Variants in DYTN observed in about 807,000 individuals in gnomAD.
The protein encoded by DYTN is dystrotelin.
A neutral mutation model predicts 69.6 loss-of-function variants in DYTN; 75 were observed. The ratio of observed to expected loss-of-function variants is 1.08; its 90% CI spans 0.89 to 1.31. The LOEUF is 1.31. DYTN is among the 50% of genes most tolerant of loss of function. The pLI, the probability that DYTN is intolerant of heterozygous loss-of-function variation, is 0.00. For synonymous variants in DYTN, 252 were observed against 249.1 expected (o/e 1.01, Z -0.11); for missense variants, 726 against 688.4 (o/e 1.05, Z -0.61).
At chr2:206,687,290 A>G (rs1699822265) in intron 9 of DYTN, 1 of 154,988 alleles carries the variant, frequency 6.5e-6, no homozygotes, top group Non-Finnish European at 1.5e-5. Flanking sequence ...ACAAGATACG[A>G]CCACCACACT....
intron 9 of DYTN, among the ~76,000 whole-genome samples, chr2:206,673,135 AT>A (rs896408396): frequency 1.3e-5 from 2 of 152,174 alleles, no homozygotes; most frequent in Non-Finnish European, 2.9e-5. Flanking sequence ...CTATGCAACC[AT>A]GTGTTCTCAT....
intron 9 of DYTN, chr2:206,686,479 A>C (rs1699810415): frequency 6.6e-6 from 1 of 152,086 alleles, no homozygotes; most frequent in Non-Finnish European, 1.5e-5. Context: ...CCACAAGGCC[A>C]CCCCTGTTTT....
chr2:206,693,062 C>T, intron 9 of DYTN, 113 bp downstream of exon 9: 2 of 1,404,882 alleles, frequency 1.4e-6, no homozygotes, highest in Middle Eastern at 2.6e-4. Flanking sequence ...CTCACCCCTC[C>T]TCCTGCCTTG....
chr2:206,691,318 C>G (rs184508795), intron 9 of DYTN, among the ~76,000 whole-genome samples: 2 of 151,860 alleles, frequency 1.3e-5, no homozygotes, highest in African/African-American at 4.8e-5. Context: ...GAGGCTGAGG[C>G]GGGAGAATTG....
intron 11 of DYTN, among the ~76,000 whole-genome samples, chr2:206,652,335 C>A (rs777979948): frequency 2.0e-5 from 3 of 152,130 alleles, no homozygotes; most frequent in Non-Finnish European, 4.4e-5. Context: ...GATACTGATG[C>A]GGCTAGTCCA....
At position 206,692,297 on chromosome 2, in the gene DYTN, T is replaced by A. The variant is rs1699872065; in HGVS notation, c.980+878A>T. Among the ~76,000 whole-genome samples the A allele has an allele frequency of 4.6e-5, 7 of 151,986 alleles. No individual in the cohort carries two copies. The South Asian group carries it at 8.3e-4, about 18-fold the overall frequency. On this transcript the variant is annotated intron_variant, in intron 9 of 11. Coordinates refer to ENST00000452335, the MANE Select transcript of DYTN (RefSeq NM_001093730.1). Reference sequence around the variant, plus strand: ...AAAAAAAAAAAGTGTTTCTCTCCTTTATCTTCTGCTATTTTAAATTACAAA... The same window carrying A: ...AAAAAAAAAAAGTGTTTCTCTCCTTAATCTTCTGCTATTTTAAATTACAAA...
chr2:206,653,746 T>C (rs1360523361), intron 11 of DYTN, among the ~76,000 whole-genome samples: 4 of 152,220 alleles, frequency 2.6e-5, no homozygotes, highest in Admixed American at 1.3e-4. Context: ...GTTGATTGCC[T>C]CTGTGATGTC....
intron 5 of DYTN, among the ~76,000 whole-genome samples, chr2:206,700,657 C>T (rs761039365): frequency 9.3e-5 from 14 of 151,206 alleles, no homozygotes; most frequent in South Asian, 2.1e-4. Context: ...AGGTTTGTTA[C>T]ATAGATATAC....
At chr2:206,677,851 C>T (rs1022845257) in intron 9 of DYTN, among the ~76,000 whole-genome samples, 6 of 152,048 alleles carry the variant, frequency 3.9e-5, no homozygotes, top group Non-Finnish European at 4.4e-5. Flanking sequence ...ATTAGCTGGG[C>T]GTGATGCGGG....
intron 9 of DYTN, among the ~76,000 whole-genome samples, chr2:206,678,360 G>T (rs1253072174): frequency 6.6e-6 from 1 of 152,142 alleles, no homozygotes; most frequent in African/African-American, 2.4e-5. Flanking sequence ...AGCCTAACTT[G>T]GTATTCCTTT....
chr2:206,700,588 T>TA (rs1699966869), intron 5 of DYTN, among the ~76,000 whole-genome samples: 1 of 146,306 alleles, frequency 6.8e-6, no homozygotes, highest in African/African-American at 2.5e-5. Context: ...TTTAGAGTTT[T>TA]AAAATATATA....
intron 9 of DYTN, among the ~76,000 whole-genome samples, chr2:206,680,893 A>G (rs7589453): frequency 6.6e-6 from 1 of 152,102 alleles, no homozygotes; most frequent in African/African-American, 2.4e-5. Flanking sequence ...TATGAAATTT[A>G]AAATAGTTTT....
chr2:206,678,870 A>G (rs1699719426), intron 9 of DYTN: 1 of 152,230 alleles, frequency 6.6e-6, no homozygotes, highest in African/African-American at 2.4e-5. Context: ...AAAGTTATTC[A>G]ATAAAAGAAG....
intron 7 of DYTN, among the ~76,000 whole-genome samples, chr2:206,697,160 A>G (rs1699928052): frequency 1.3e-5 from 2 of 152,188 alleles, no homozygotes; most frequent in African/African-American, 4.8e-5. Context: ...ATTTAGGATA[A>G]TATGCTGCTC....
intron 9 of DYTN, among the ~76,000 whole-genome samples, chr2:206,671,786 AT>A (rs1699632431): frequency 6.6e-6 from 1 of 152,198 alleles, no homozygotes; most frequent in African/African-American, 2.4e-5. Flanking sequence ...TGTGGTACAT[AT>A]TTTTCTGCAA....
chr2:206,702,228 G>A (rs1699983639), intron 5 of DYTN, among the ~76,000 whole-genome samples: 1 of 152,184 alleles, frequency 6.6e-6, no homozygotes, highest in African/African-American at 2.4e-5. Flanking sequence ...TCATCTATAT[G>A]CACAGATACA....
At chr2:206,716,942 G>A (rs1351300662) in intron 1 of DYTN, among the ~76,000 whole-genome samples, 1 of 152,010 alleles carries the variant, frequency 6.6e-6, no homozygotes, top group Non-Finnish European at 1.5e-5. Context: ...ACGGCAAGCT[G>A]TGATACAGTG....
At chr2:206,699,177 G>A (rs1234326074) in intron 7 of DYTN, among the ~76,000 whole-genome samples, 1 of 152,196 alleles carries the variant, frequency 6.6e-6, no homozygotes, top group Non-Finnish European at 1.5e-5. Context: ...GCTCACACAT[G>A]TAACTCAATG....
intron 7 of DYTN, among the ~76,000 whole-genome samples, chr2:206,695,907 C>T (rs1449920000): frequency 1.3e-5 from 2 of 152,168 alleles, no homozygotes; most frequent in South Asian, 2.1e-4. Context: ...ACTTGCCTTG[C>T]CTTTTAAGCA....
Sources: allele counts gnomAD v4.1 joint callset (sites outside exome capture counted in the v4.1 genomes callset), GRCh38; gene constraint gnomAD v4.1.1; transcripts MANE v1.5; gene names NCBI Gene and HGNC (gene_info 2026-07-23, HGNC 2026-07-21).